The following FLT1 variants were observed in gnomAD, a reference collection of about 807,000 sequenced individuals.
The protein encoded by FLT1 is fms related receptor tyrosine kinase 1.
A neutral mutation model predicts 156.3 loss-of-function variants in FLT1; 49 were observed. The ratio of observed to expected loss-of-function variants is 0.31; its 90% CI spans 0.25 to 0.40. The LOEUF is 0.40. Among genes scored for constraint, FLT1 ranks in the 10% least tolerant of loss-of-function variants. The pLI is 1.00. For synonymous variants in FLT1, 594 were observed against 583.8 expected, an observed-to-expected ratio of 1.02 and a Z score of -0.25; for missense variants, 1,322 against 1,637.2, an observed-to-expected ratio of 0.81 and a Z score of 3.32.
rs755339233 is a variant in FLT1 at position 28,433,919 on chromosome 13, C to T, written c.713G>A (p.Arg238His). 1.2e-5 allele frequency: 19 copies of T among 1,613,920 alleles called. No individual in the cohort carries two copies. The highest frequency in any genetic ancestry group is 6.7e-5 in the East Asian group (3 of 44,870). ...TIIDVQISTP[R>H]PVKLLRGHTL... ...ATGGCCTCTAAGTAATTTGACTGGG[C>T]GTGGTGTGCTTATTTGGACATCTAT... The change falls in exon 6 of 30, where the codon CGC (arginine) becomes CAC (histidine). Residue 238 changes from arginine to histidine, a missense_variant. By Grantham distance (29) the Arg-to-His change is conservative. Around this residue, in one of 3 missense-constraint regions of FLT1, gnomAD observed 991 missense variants for 1,254.8 expected, o/e 0.79. Transcript: ENST00000282397.
At chr13:28,402,928 TACC>T (rs1456116616) in intron 11 of FLT1, among the ~76,000 whole-genome samples, 1 of 152,114 alleles carries the variant, frequency 6.6e-6, no homozygotes, top group Non-Finnish European at 1.5e-5. Flanking sequence ...TAGCTGGGAT[TACC>T]ACTACGCCCG....
In FLT1 at chr13:28,412,342, C is replaced by CT. The variant is rs1217479245; in HGVS notation, c.1437-6449dup. ...CTTTCTTTCTTTCTTTTCTTTCTTT[C>CT]TTTCTTTCTCTTTCTTTCTTTCTTT... is the stretch of plus-strand genomic sequence containing the variant. On this transcript the variant is annotated intron_variant, in intron 10 of 29. Transcript: ENST00000282397. 8.0e-3 allele frequency among the ~76,000 whole-genome samples: 611 copies of CT among 76,638 alleles called. 22 individuals carry two copies. Among genetic ancestry groups the CT allele is most frequent in the Middle Eastern group, 0.026 (4 of 152 alleles). The allele number at this position is 76,638 out of a possible 152,430, so 50.3% of individuals were successfully genotyped here.
At chr13:28,462,873 C>G (rs1017761337) in intron 3 of FLT1, among the ~76,000 whole-genome samples, 3 of 152,216 alleles carry the variant, frequency 2.0e-5, no homozygotes, top group Non-Finnish European at 4.4e-5. Context: ...AGGCCCCTAT[C>G]TGGCCTTCCT....
intron 3 of FLT1, among the ~76,000 whole-genome samples, chr13:28,440,772 G>T (rs371982502): frequency 2.4e-4 from 36 of 152,204 alleles, no homozygotes; most frequent in African/African-American, 8.4e-4. Context: ...GCTATGATGA[G>T]GATTACATGA....
At chr13:28,315,578 A>G (rs1239957970) in intron 25 of FLT1, among the ~76,000 whole-genome samples, 1 of 152,136 alleles carries the variant, frequency 6.6e-6, no homozygotes, top group Non-Finnish European at 1.5e-5. Context: ...AAAAAAACCC[A>G]ACTAAACTAA....
intron 14 of FLT1, among the ~76,000 whole-genome samples, chr13:28,360,705 A>G (rs1000942715): frequency 6.6e-6 from 1 of 152,184 alleles, no homozygotes; most frequent in East Asian, 1.9e-4. Flanking sequence ...TTGGATACGG[A>G]CAGGGAAGAT....
chr13:28,372,962 A>G (rs1215943082), intron 14 of FLT1, among the ~76,000 whole-genome samples: 3 of 152,172 alleles, frequency 2.0e-5, no homozygotes, highest in Non-Finnish European at 4.4e-5. Context: ...TCAGTGGCAA[A>G]GAGCCATTAA....
At chr13:28,346,400 G>A (rs1362883665) in intron 15 of FLT1, 1 of 152,188 alleles carries the variant, frequency 6.6e-6, no homozygotes, top group African/African-American at 2.4e-5. Flanking sequence ...CTAAAGTAAT[G>A]CCTTTATCCT....
chr13:28,321,844 G>GATAAA (rs1871475371), intron 22 of FLT1, among the ~76,000 whole-genome samples: 4 of 152,252 alleles, frequency 2.6e-5, no homozygotes, highest in Non-Finnish European at 4.4e-5. Context: ...AGATTTACCA[G>GATAAA]TGGGCAAACT....
chr13:28,301,185 AAGT>A lies in FLT1; in HGVS notation c.*1979_*1981del, dbSNP rs1364916149. ...TTATCTGATTTGGAAAAAAAAAAAAAAGTAGAGAATTGACTGAGGTCTTCTTTT... is the reference window on the plus strand; with the variant it reads ...TTATCTGATTTGGAAAAAAAAAAAAAAGAGAATTGACTGAGGTCTTCTTTT... On this transcript the variant is annotated 3_prime_UTR_variant, in exon 30 of 30. Transcript: ENST00000282397. 2 of 232,642 alleles carry A rather than the reference AAGT, an allele frequency of 8.6e-6. No individual in the cohort carries two copies. Among genetic ancestry groups the A allele is most frequent in the Non-Finnish European group, 1.7e-5 (2 of 117,866 alleles). 14.4% of individuals were successfully genotyped at this position (232,642 alleles called of 1,614,324 possible). A position where few individuals can be genotyped will look rare whatever the true frequency, so the allele number is the denominator to read the frequency against.
In FLT1 at chr13:28,439,248, T is replaced by A. The variant is rs1452688138; in HGVS notation, c.389-903A>T. On this transcript the variant is annotated intron_variant, in intron 3 of 29. Transcript: ENST00000282397. This position sits in a 1 kb window ranked among gnomAD's most constrained non-coding sequence, Gnocchi z 4.1. ...ATTGACATCCTCAGGCAACGATCTC[T>A]TCGGGAGTCATTGTGTTCTGATCGT... 1.3e-5 allele frequency among the ~76,000 whole-genome samples: 2 copies of A among 152,220 alleles called. No individual in the cohort carries two copies. Among genetic ancestry groups the A allele is most frequent in the Non-Finnish European group, 2.9e-5 (2 of 68,044 alleles).
rs1878200737 is a variant in FLT1 at position 28,439,125 on chromosome 13, C to T, written c.389-780G>A. The stretch of plus-strand genomic sequence containing the variant: ...CTCAGAGGCAAGGAGGATTCAAACA[C>T]CTGTTCAGCTTCCCTGTAACTCCTC... On this transcript the variant is annotated intron_variant, in intron 3 of 29. Transcript: ENST00000282397. The surrounding 1 kb of genome is among the most constrained non-coding windows in gnomAD (Gnocchi z 4.1). Among the ~76,000 whole-genome samples, 1 of 152,204 alleles carries T rather than the reference C, an allele frequency of 6.6e-6. No homozygotes were observed. The highest frequency in any genetic ancestry group is 2.1e-4 in the South Asian group (1 of 4,836).
chr13:28,480,791 T>C (rs1328844449), intron 1 of FLT1, among the ~76,000 whole-genome samples: 1 of 152,190 alleles, frequency 6.6e-6, no homozygotes, highest in Non-Finnish European at 1.5e-5. Flanking sequence ...GGGGTCTACC[T>C]GACTTCACCT....
Position 28,451,438 on chromosome 13 carries a change from C to T in FLT1, c.389-13093G>A, listed in dbSNP as rs181402965. On this transcript the variant is annotated intron_variant, in intron 3 of 29. Coordinates refer to ENST00000282397, the MANE Select transcript of FLT1 (RefSeq NM_002019.4). ...ACTTCGTCTCAAAACAAAAACAAAA[C>T]AAAACAAAAACCAACAGTCACACCA... is the stretch of plus-strand genomic sequence containing the variant. Among the ~76,000 whole-genome samples, 200 of 152,280 alleles carry T rather than the reference C, an allele frequency of 1.3e-3. 2 individuals are homozygous for T. Among genetic ancestry groups the T allele is most frequent in the African/African-American group, 4.5e-3 (187 of 41,570 alleles).
chr13:28,301,349 G>A lies in FLT1; in HGVS notation c.*1818C>T, dbSNP rs1870509051. 1 of 233,002 alleles carries A rather than the reference G, an allele frequency of 4.3e-6. No homozygotes were observed. Among genetic ancestry groups the A allele is most frequent in the Non-Finnish European group, 8.5e-6 (1 of 117,992 alleles). 14.4% of individuals were successfully genotyped at this position (233,002 alleles called of 1,614,324 possible). ...TCTAGCCTGCTTTTGTTTGGATTTAGATCTTGGTGGAGAGGACTGTCCCAC... is the reference window on the plus strand; with the variant it reads ...TCTAGCCTGCTTTTGTTTGGATTTAAATCTTGGTGGAGAGGACTGTCCCAC... On this transcript the variant is annotated 3_prime_UTR_variant, in exon 30 of 30. Transcript: ENST00000282397.
At chr13:28,429,748 C>T (rs936547574) in intron 8 of FLT1, among the ~76,000 whole-genome samples, 1 of 152,098 alleles carries the variant, frequency 6.6e-6, no homozygotes, top group African/African-American at 2.4e-5. Context: ...CTCAACACAT[C>T]CCATTCAAAG....
intron 10 of FLT1, among the ~76,000 whole-genome samples, chr13:28,423,986 T>C (rs1252050711): frequency 6.6e-6 from 1 of 152,220 alleles, no homozygotes; most frequent in Non-Finnish European, 1.5e-5. Flanking sequence ...GTTTCGCTCT[T>C]GTTGCCCAGG....
intron 15 of FLT1, among the ~76,000 whole-genome samples, chr13:28,350,856 C>T (rs1872716635): frequency 6.6e-6 from 1 of 151,920 alleles, no homozygotes; most frequent in Non-Finnish European, 1.5e-5. Context: ...ATTTTGAAGC[C>T]TGCTTGCCTG....
chr13:28,385,154 T>C (rs1874285894), intron 13 of FLT1, 123 bp from the exon 14 acceptor site: 1 of 1,008,950 alleles, frequency 9.9e-7, no homozygotes, highest in African/African-American at 1.6e-5. Flanking sequence ...TCATTTTCAT[T>C]TGTTCACTTT....
Sources: gnomAD v4.1 joint callset for allele counts (sites outside exome capture counted in the v4.1 genomes callset) on GRCh38, gnomAD v4.1.1 for gene constraint, gnomAD v4.1.1 regional missense constraint, Gnocchi (gnomAD v3.1) non-coding constraint, MANE v1.5 for transcripts, NCBI Gene and HGNC (gene_info 2026-07-23, HGNC 2026-07-21) for gene names.